The following RPRD2 variants were observed in gnomAD, a reference collection of about 807,000 sequenced individuals.
The protein encoded by RPRD2 is regulation of nuclear pre-mRNA domain-containing protein 2.
A neutral mutation model predicts 104.4 loss-of-function variants in RPRD2; 12 were observed. The observed-to-expected ratio is 0.11, with a 90% CI of 0.07 to 0.19. The LOEUF (loss-of-function observed/expected upper bound fraction) is 0.19, where lower values mean the gene tolerates loss of function less well. Among genes scored for constraint, RPRD2 ranks in the 10% least tolerant of loss-of-function variants. The pLI is 1.00. For missense variants in RPRD2, 1,543 were observed against 1,790.1 expected (o/e 0.86, Z 2.49); for synonymous variants, 714 against 684.9 (o/e 1.04, Z -0.66).
intron 2 of RPRD2, among the ~76,000 whole-genome samples, chr1:150,432,958 C>G (rs1441747975): frequency 6.6e-6 from 1 of 151,822 alleles, no homozygotes; most frequent in Non-Finnish European, 1.5e-5. Context: ...GCCTGGGGGA[C>G]CAGAGTGAGA....
intron 1 of RPRD2, among the ~76,000 whole-genome samples, chr1:150,396,103 G>A (rs2264418): frequency 0.33 from 49,930 of 151,664 alleles, 8,925 homozygotes; most frequent in Non-Finnish European, 0.4. Context: ...GGGATGGTGA[G>A]CATTTTTTCA....
chr1:150,394,329 C>T (rs781954326), intron 1 of RPRD2, among the ~76,000 whole-genome samples: 3 of 152,020 alleles, frequency 2.0e-5, no homozygotes, highest in Non-Finnish European at 2.9e-5. Flanking sequence ...GGTTTACAGG[C>T]GTGAACCACT....
At chr1:150,447,080 C>T (rs1553895712) in intron 7 of RPRD2, among the ~76,000 whole-genome samples, 3 of 152,026 alleles carry the variant, frequency 2.0e-5, no homozygotes, top group African/African-American at 2.4e-5. Context: ...GGTGATCCGC[C>T]TGCCTTGGTC....
At chr1:150,429,258 A>G (rs1330078048) in intron 2 of RPRD2, among the ~76,000 whole-genome samples, 1 of 151,970 alleles carries the variant, frequency 6.6e-6, no homozygotes, top group Non-Finnish European at 1.5e-5. Flanking sequence ...ACGCCTGACT[A>G]ATTTTGTATT....
chr1:150,409,909 T>C (rs1030504717), intron 1 of RPRD2, among the ~76,000 whole-genome samples: 42 of 152,286 alleles, frequency 2.8e-4, no homozygotes, highest in African/African-American at 9.4e-4. Context: ...CCTCCCAAAG[T>C]GCTGGGATTA....
intron 1 of RPRD2, among the ~76,000 whole-genome samples, chr1:150,412,936 G>T (rs587597254): frequency 1.2e-3 from 178 of 152,020 alleles, no homozygotes; most frequent in African/African-American, 4.1e-3. Context: ...TGGGCTGTGG[G>T]TTTTTTGTTT....
intron 2 of RPRD2, among the ~76,000 whole-genome samples, chr1:150,436,552 GA>G (rs1666004526): frequency 6.6e-6 from 1 of 151,350 alleles, no homozygotes; most frequent in East Asian, 1.9e-4. Context: ...AGTGAGCCAA[GA>G]TCGCCACTGC....
At position 150,472,350 on chromosome 1, in the gene RPRD2, A is replaced by G; in HGVS notation, c.3402A>G (p.Ser1134=). 6.2e-7 allele frequency: 1 copy of G among 1,614,030 alleles called. No homozygotes were observed. Among genetic ancestry groups the G allele is most frequent in the Non-Finnish European group, 8.5e-7 (1 of 1,179,894 alleles). The change falls in exon 11 of 11, where the codon TCA becomes TCG. Residue 1134 remains serine, a synonymous_variant. Coordinates refer to ENST00000369068, the MANE Select transcript of RPRD2 (RefSeq NM_015203.5). ...TGGGTTGGTTTGATCTGAGCACATC[A>G]GGTAGCTCTTTTGACAATGGCCCTT... ...SRVGWFDLST[S]GSSFDNGPSS...
intron 1 of RPRD2, among the ~76,000 whole-genome samples, chr1:150,413,341 C>T (rs1252890146): frequency 6.6e-6 from 1 of 152,152 alleles, no homozygotes; most frequent in African/African-American, 2.4e-5. Context: ...TGGCTCACGC[C>T]TGTAATTCCA....
rs974237037 is a variant in RPRD2, at chr1:150,364,731, G to C, written c.17G>C (p.Gly6Ala). 1.9e-6 allele frequency: 3 copies of C among 1,576,708 alleles called. No individual in the cohort carries two copies. Among genetic ancestry groups the C allele is most frequent in the Non-Finnish European group, 2.6e-6 (3 of 1,161,072 alleles). The change falls in exon 1 of 11, where the codon GGC (glycine) becomes GCC (alanine). Residue 6 changes from glycine to alanine, a missense_variant. By Grantham distance (60) the Gly-to-Ala change is moderately conservative. Around this residue, in one of 4 missense-constraint regions of RPRD2, gnomAD observed 88 missense variants for 96.6 expected, o/e 0.91. Coordinates refer to ENST00000369068, the MANE Select transcript of RPRD2 (RefSeq NM_015203.5). MAAGG[G>A]GGSSKASSSS... ...ACCGGGAAGATGGCGGCCGGCGGCG[G>C]CGGAGGCAGCAGTAAGGCCTCCTCC...
intron 1 of RPRD2, among the ~76,000 whole-genome samples, chr1:150,417,077 CAATTTGCTTGAGGT>C: frequency 6.6e-6 from 1 of 152,128 alleles, no homozygotes; most frequent in East Asian, 1.9e-4. Context: ...AAATGTTAAG[CAATTTGCTTGAGGT>C]CACATTCTGA....
intron 1 of RPRD2, among the ~76,000 whole-genome samples, chr1:150,388,522 C>CACACACACAT (rs368120543): frequency 1.7e-4 from 25 of 144,364 alleles, no homozygotes; most frequent in Non-Finnish European, 3.5e-4. Flanking sequence ...CACACACACA[C>CACACACACAT]ATATATACAC....
At chr1:150,443,862 AC>A (rs1162154688) in intron 5 of RPRD2, among the ~76,000 whole-genome samples, 17 of 146,036 alleles carry the variant, frequency 1.2e-4, no homozygotes, top group Admixed American at 3.4e-4. Flanking sequence ...AAAAAAAAAA[AC>A]AAAAATTAGC....
intron 1 of RPRD2, among the ~76,000 whole-genome samples, chr1:150,369,753 G>T (rs1239218461): frequency 1.4e-5 from 2 of 145,962 alleles, no homozygotes; most frequent in Non-Finnish European, 3.0e-5. Context: ...CACTGTGCCC[G>T]GCCTACACCT....
At chr1:150,387,546 C>T (rs12029514) in intron 1 of RPRD2, among the ~76,000 whole-genome samples, 1 of 123,098 alleles carries the variant, frequency 8.1e-6, no homozygotes, top group African/African-American at 3.1e-5. Flanking sequence ...ACAACTAAAT[C>T]TTACAGAAGT....
chr1:150,398,043 A>C (rs1395404107), intron 1 of RPRD2, among the ~76,000 whole-genome samples: 3 of 152,054 alleles, frequency 2.0e-5, no homozygotes, highest in African/African-American at 7.2e-5. Flanking sequence ...GCTGGAGTGC[A>C]GTGGCATGAT....
intron 7 of RPRD2, among the ~76,000 whole-genome samples, chr1:150,451,881 C>T (rs587668986): frequency 5.6e-4 from 85 of 151,954 alleles, no homozygotes; most frequent in African/African-American, 1.9e-3. Context: ...TGGCTCACAC[C>T]TGTAATCCCA....
intron 1 of RPRD2, among the ~76,000 whole-genome samples, chr1:150,383,547 C>G (rs782405307): frequency 1.3e-5 from 2 of 151,512 alleles, no homozygotes; most frequent in Non-Finnish European, 1.5e-5. Flanking sequence ...GAACTCCTGA[C>G]CTCAGGTGAT....
intron 2 of RPRD2, among the ~76,000 whole-genome samples, chr1:150,434,717 T>A (rs1395359946): frequency 6.6e-6 from 1 of 152,122 alleles, no homozygotes; most frequent in African/African-American, 2.4e-5. Context: ...CTCGGGAGGC[T>A]GAGGCAGAAG....
Sources: allele counts gnomAD v4.1 joint callset (sites outside exome capture counted in the v4.1 genomes callset), GRCh38; gene constraint gnomAD v4.1.1; regional missense constraint gnomAD v4.1.1; transcripts MANE v1.5; gene names NCBI Gene and HGNC (gene_info 2026-07-23, HGNC 2026-07-21).